The following CEP76 variants were observed in gnomAD, a reference collection of about 807,000 sequenced individuals.
CEP76 encodes centrosomal protein of 76 kDa.
A neutral mutation model predicts 83.3 loss-of-function variants in CEP76; 55 were observed. That is an observed-to-expected ratio of 0.66 (90% CI 0.53 to 0.83). The LOEUF is 0.83. Among genes scored for constraint, CEP76 ranks in the 40% least tolerant of loss-of-function variants. The probability of loss-of-function intolerance (pLI) is 0.00; values close to 1 mark genes in which losing one functional copy is unlikely to be tolerated. For missense variants in CEP76, 694 were observed against 799.5 expected, an observed-to-expected ratio of 0.87 and a Z score of 1.59; for synonymous variants, 270 against 274.5, an observed-to-expected ratio of 0.98 and a Z score of 0.16.
intron 7 of CEP76, among the ~76,000 whole-genome samples, chr18:12,688,874 G>T (rs184096164): frequency 6.6e-6 from 1 of 152,138 alleles, no homozygotes; most frequent in African/African-American, 2.4e-5. Context: ...CAGCACTTTG[G>T]GAGGCCGAGG....
At chr18:12,687,523 G>A (rs558122667) in intron 7 of CEP76, among the ~76,000 whole-genome samples, 16 of 148,698 alleles carry the variant, frequency 1.1e-4, no homozygotes, top group African/African-American at 2.5e-4. Context: ...GTGTGATTTC[G>A]GCTCGCTGCA....
intron 12 of CEP76, among the ~76,000 whole-genome samples, chr18:12,667,188 T>C (rs2038820613): frequency 6.6e-6 from 1 of 152,168 alleles, no homozygotes; most frequent in African/African-American, 2.4e-5. Context: ...GGGCTGGGCA[T>C]GGTGGCTCAC....
chr18:12,685,491 C>G (rs1012194676), intron 8 of CEP76: 6 of 152,016 alleles, frequency 3.9e-5, no homozygotes, highest in Non-Finnish European at 8.8e-5. Context: ...AATAAAGATG[C>G]TGAGTTTTTT....
intron 8 of CEP76, among the ~76,000 whole-genome samples, chr18:12,683,255 G>A (rs1308478636): frequency 1.3e-5 from 2 of 149,960 alleles, no homozygotes; most frequent in Non-Finnish European, 3.0e-5. Context: ...AGGAGGCTGA[G>A]GTAGGAGAAT....
Position 12,673,081 on chromosome 18 carries a change from TA to T in CEP76, c.*283del. The T allele has an allele frequency of 1.0e-6, 1 of 1,004,742 alleles. No homozygotes were observed. The highest frequency in any genetic ancestry group is 1.2e-6 in the Non-Finnish European group (1 of 829,350). The allele number at this position is 1,004,742 out of a possible 1,614,324, so 62.2% of individuals were successfully genotyped here. A position where few individuals can be genotyped will look rare whatever the true frequency, so the allele number is the denominator to read the frequency against. The stretch of plus-strand genomic sequence containing the variant: ...GAAAACTGAATGCATTTTATATTAA[TA>T]TTTAAACTACTGATAACTGTAAACA... On this transcript the variant is annotated 3_prime_UTR_variant, in exon 12 of 12. Coordinates refer to ENST00000262127, the MANE Select transcript of CEP76 (RefSeq NM_024899.4).
At chr18:12,692,525 A>T (rs897640967) in intron 6 of CEP76, among the ~76,000 whole-genome samples, 1 of 152,048 alleles carries the variant, frequency 6.6e-6, no homozygotes, top group African/African-American at 2.4e-5. Context: ...GCTCAGCCCC[A>T]ATCTTTGCAT....
In CEP76 at chr18:12,697,408, C is replaced by T; in HGVS notation, c.521G>A (p.Gly174Asp). Residue 174 changes from glycine to aspartate, a missense_variant and splice_region_variant, in exon 5 of 12, where the codon GGT becomes GAT. By Grantham distance (94) the Gly-to-Asp change is moderately conservative (BLOSUM62 -1). Transcript: ENST00000262127. ...FLLEVHRESL[G>D]DGTRMADSTT... ...TGAATCAGCCATTCTAGTTCCATCA[C>T]CTAGCAATATAATCCAAACGAAATT... The T allele has an allele frequency of 6.2e-7, 1 of 1,602,110 alleles. No homozygotes were observed. The highest frequency in any genetic ancestry group is 8.5e-7 in the Non-Finnish European group (1 of 1,172,996).
downstream of CEP76, chr18:12,672,579 T>C (rs2038975843): frequency 4.8e-6 from 4 of 834,348 alleles, no homozygotes; most frequent in Non-Finnish European, 4.3e-6. Flanking sequence ...TTTCAGAAGA[T>C]AGAATCCATG....
chr18:12,685,392 A>G (rs1382527587), intron 8 of CEP76: 1 of 152,148 alleles, frequency 6.6e-6, no homozygotes, highest in African/African-American at 2.4e-5. Context: ...TGCTGTTCCT[A>G]ATTCATTCTG....
chr18:12,684,413 C>A (rs749910591), intron 8 of CEP76: 1 of 151,844 alleles, frequency 6.6e-6, no homozygotes, highest in African/African-American at 2.4e-5. Flanking sequence ...CCATGCCTGG[C>A]CTGCTGTCAC....
chr18:12,664,449 C>G (rs992565355), intron 12 of CEP76, among the ~76,000 whole-genome samples: 3 of 151,854 alleles, frequency 2.0e-5, no homozygotes, highest in African/African-American at 7.3e-5. Flanking sequence ...ACTCAGGAGG[C>G]TGAGGCAGGA....
At chr18:12,681,751 G>T (rs1036563319) in intron 8 of CEP76, among the ~76,000 whole-genome samples, 4 of 151,970 alleles carry the variant, frequency 2.6e-5, no homozygotes, top group African/African-American at 7.3e-5. Context: ...TACTGGGGAG[G>T]TTATATATAA....
In CEP76 at chr18:12,697,322, C is replaced by T. The variant is rs74943012; in HGVS notation, c.607G>A (p.Gly203Ser). The T allele has an allele frequency of 6.2e-7, 1 of 1,613,678 alleles. No individual in the cohort carries two copies. Among genetic ancestry groups the T allele is most frequent in the Non-Finnish European group, 8.5e-7 (1 of 1,179,798 alleles). Residue 203 changes from glycine to serine, a missense_variant, in exon 5 of 12, where the codon GGT becomes AGT. Transcript: ENST00000262127. The part of the protein sequence containing the change: ...HMVLIKTDIF[G>S]ETTLVASYFL... ...TATGATGCTACTAAAGTCGTCTCAC[C>T]AAATATGTCTGTTTTGATTAGCACC...
At chr18:12,685,448 A>G (rs1214319920) in intron 8 of CEP76, 2 of 152,176 alleles carry the variant, frequency 1.3e-5, no homozygotes, top group African/African-American at 2.4e-5. Flanking sequence ...CCTACATCAC[A>G]GAAATCACAA....
chr18:12,672,146 G>C (rs900367469), downstream of CEP76, among the ~76,000 whole-genome samples: 8 of 138,880 alleles, frequency 5.8e-5, no homozygotes, highest in African/African-American at 2.2e-4. Flanking sequence ...ATGCAGTCTC[G>C]CTCTGCCTCC....
chr18:12,669,427 T>C (rs867151927), downstream of CEP76, among the ~76,000 whole-genome samples: 80 of 152,062 alleles, frequency 5.3e-4, 1 homozygote, highest in African/African-American at 1.8e-3. Flanking sequence ...TTTTTTTATT[T>C]TTCAGAGATG....
chr18:12,702,588 A>C lies in CEP76; in HGVS notation c.-40T>G. 1 of 1,586,900 alleles carries C rather than the reference A, an allele frequency of 6.3e-7. No homozygotes were observed. Among genetic ancestry groups the C allele is most frequent in the Non-Finnish European group, 8.5e-7 (1 of 1,170,680 alleles). On this transcript the variant is annotated 5_prime_UTR_variant, in exon 1 of 12. Transcript: ENST00000262127. ...TCTCCCCGCCGCTTCTCCCCGCCTC[A>C]GATGCCCTAACTGCGCGGCCCCGGC...
intron 10 of CEP76, among the ~76,000 whole-genome samples, chr18:12,677,902 T>A (rs1353975794): frequency 6.6e-6 from 1 of 152,210 alleles, no homozygotes; most frequent in East Asian, 1.9e-4. Flanking sequence ...AGTAATTCAT[T>A]CTATAAGTAT....
At chr18:12,668,639 T>C (rs1356314486), downstream of CEP76, among the ~76,000 whole-genome samples, 5 of 130,984 alleles carry the variant, frequency 3.8e-5, no homozygotes, top group African/African-American at 2.8e-5. Context: ...ATAGTGAATG[T>C]ACTTAATCCA....
Sources: gnomAD v4.1 joint callset for allele counts (sites outside exome capture counted in the v4.1 genomes callset) on GRCh38, gnomAD v4.1.1 for gene constraint, MANE v1.5 for transcripts, NCBI Gene and HGNC (gene_info 2026-07-23, HGNC 2026-07-21) for gene names.